Variants in PLXDC1 observed in about 807,000 individuals in gnomAD.
PLXDC1 encodes the protein plexin domain-containing protein 1.
In PLXDC1, 39 loss-of-function variants were observed where a neutral mutation model predicts 61.3. The observed-to-expected ratio is 0.64, with a 90% CI of 0.49 to 0.83. The LOEUF (loss-of-function observed/expected upper bound fraction) is 0.83, where lower values mean the gene tolerates loss of function less well. Ranked by LOEUF, PLXDC1 falls within the 40% of genes least tolerant of loss-of-function variation. The pLI is 0.00. For missense variants in PLXDC1, 596 were observed against 666.5 expected (o/e 0.89, Z 1.17); for synonymous variants, 212 against 254.5 (o/e 0.83, Z 1.59).
intron 13 of PLXDC1, among the ~76,000 whole-genome samples, chr17:39,069,499 G>T (rs1909028252): frequency 6.6e-6 from 1 of 152,122 alleles, no homozygotes; most frequent in Admixed American, 6.6e-5. Flanking sequence ...TGGCATTTGG[G>T]CATGAGAGAC....
chr17:39,103,376 C>CA (rs1271193443), intron 7 of PLXDC1, among the ~76,000 whole-genome samples: 11 of 151,020 alleles, frequency 7.3e-5, no homozygotes, highest in East Asian at 1.9e-4. Flanking sequence ...TCCATCTCTC[C>CA]AAAAAAAAAT....
At chr17:39,133,340 T>C (rs979969319) in intron 2 of PLXDC1, among the ~76,000 whole-genome samples, 1 of 152,104 alleles carries the variant, frequency 6.6e-6, no homozygotes, top group Non-Finnish European at 1.5e-5. Flanking sequence ...GCAGACACCC[T>C]GGTGTGTGTA....
At chr17:39,099,672 C>T (rs1476295746) in intron 7 of PLXDC1, among the ~76,000 whole-genome samples, 1 of 152,168 alleles carries the variant, frequency 6.6e-6, no homozygotes, top group Admixed American at 6.5e-5. Flanking sequence ...TTGAATTCTT[C>T]CTTTCATAGC....
chr17:39,118,088 T>TCCTC (rs1567766557), intron 2 of PLXDC1, among the ~76,000 whole-genome samples: 1 of 106,632 alleles, frequency 9.4e-6, no homozygotes, highest in Non-Finnish European at 1.9e-5. Context: ...CTCCCTCCCT[T>TCCTC]CCTTCCTTCC....
At chr17:39,085,322 G>T (rs902910610) in intron 8 of PLXDC1, among the ~76,000 whole-genome samples, 1 of 152,232 alleles carries the variant, frequency 6.6e-6, no homozygotes, top group African/African-American at 2.4e-5. Context: ...GATGGAAAGA[G>T]CCATGGGCAG....
At chr17:39,075,503 ACT>A (rs1443333217) in intron 11 of PLXDC1, among the ~76,000 whole-genome samples, 1 of 151,976 alleles carries the variant, frequency 6.6e-6, no homozygotes, top group Non-Finnish European at 1.5e-5. Context: ...ATGAAACCTG[ACT>A]CTATCCCTTC....
intron 9 of PLXDC1, chr17:39,080,238 C>T (rs62076616): frequency 0.034 from 5,255 of 152,544 alleles, 84 homozygotes; most frequent in Non-Finnish European, 0.04. Context: ...GATGGCACCA[C>T]TGCACTCCAG....
intron 2 of PLXDC1, among the ~76,000 whole-genome samples, chr17:39,136,168 TG>T (rs1303224647): frequency 6.6e-6 from 1 of 152,162 alleles, no homozygotes; most frequent in African/African-American, 2.4e-5. Flanking sequence ...ATGGCAGTCC[TG>T]CTCCTTGCTC....
intron 1 of PLXDC1, among the ~76,000 whole-genome samples, chr17:39,150,190 C>T (rs2045364105): frequency 6.6e-6 from 1 of 152,146 alleles, no homozygotes; most frequent in African/African-American, 2.4e-5. Context: ...AGCAGCTTCT[C>T]GGTTCGTCAG....
chr17:39,068,046 CTG>C, intron 13 of PLXDC1, 87 bp from the exon 14 acceptor site: 1 of 1,362,146 alleles, frequency 7.3e-7, no homozygotes, highest in Non-Finnish European at 1.0e-6. Flanking sequence ...CCAACCAAGA[CTG>C]TCTCTTATAA....
intron 2 of PLXDC1, among the ~76,000 whole-genome samples, chr17:39,134,738 T>C (rs1403893059): frequency 1.3e-5 from 2 of 151,948 alleles, no homozygotes; most frequent in Non-Finnish European, 2.9e-5. Flanking sequence ...CTTCTACCAT[T>C]CCTCCAGGGA....
chr17:39,143,365 C>G (rs1911995702), intron 1 of PLXDC1, among the ~76,000 whole-genome samples: 1 of 152,212 alleles, frequency 6.6e-6, no homozygotes, highest in Non-Finnish European at 1.5e-5. Flanking sequence ...CTTCCCCCAG[C>G]CCACTCCCCA....
intron 1 of PLXDC1, among the ~76,000 whole-genome samples, chr17:39,146,632 C>A (rs1314120116): frequency 1.3e-5 from 2 of 151,476 alleles, no homozygotes; most frequent in Non-Finnish European, 2.9e-5. Context: ...GGCAACATGG[C>A]AAGACCTTGT....
chr17:39,125,658 G>A (rs916039589), intron 2 of PLXDC1, among the ~76,000 whole-genome samples: 1 of 152,114 alleles, frequency 6.6e-6, no homozygotes, highest in South Asian at 2.1e-4. Context: ...TAATTTCACA[G>A]TCACAGTTCT....
chr17:39,109,018 AG>A, intron 3 of PLXDC1, 45 bp from the exon 4 acceptor site: 1 of 1,484,840 alleles, frequency 6.7e-7, no homozygotes, highest in Non-Finnish European at 9.4e-7. Flanking sequence ...GCTGCAGGCC[AG>A]GGGCCTGGGC....
intron 7 of PLXDC1, among the ~76,000 whole-genome samples, chr17:39,089,008 TAGAA>T (rs1479775735): frequency 1.6e-4 from 15 of 93,758 alleles, no homozygotes; most frequent in Non-Finnish European, 3.0e-4. Flanking sequence ...AGAAAAAGAA[TAGAA>T]AGAAAAGAAA....
At position 39,091,787 on chromosome 17, in the gene PLXDC1, G is replaced by A. The variant is rs574287616; in HGVS notation, c.812-4085C>T. 4.6e-5 allele frequency among the ~76,000 whole-genome samples: 7 copies of A among 151,938 alleles called. No individual in the cohort carries two copies. In the South Asian group the frequency reaches 6.2e-4, roughly 14 times the overall value. ...AGTCTGGCCAACATGGTGAAACCCC[G>A]TCTCTACTAAAAATTTAAAAAATTA... is the stretch of plus-strand genomic sequence containing the variant. On this transcript the variant is annotated intron_variant, in intron 7 of 13. Coordinates refer to ENST00000315392, the MANE Select transcript of PLXDC1 (RefSeq NM_020405.5).
intron 9 of PLXDC1, among the ~76,000 whole-genome samples, chr17:39,082,986 C>G (rs937840956): frequency 6.6e-6 from 1 of 152,190 alleles, no homozygotes; most frequent in African/African-American, 2.4e-5. Context: ...CCTTGCAGCC[C>G]AAGAAAGATC....
intron 2 of PLXDC1, among the ~76,000 whole-genome samples, chr17:39,116,245 C>T (rs557509556): frequency 1.3e-5 from 2 of 152,222 alleles, no homozygotes; most frequent in East Asian, 3.9e-4. Flanking sequence ...GGGAAGGTGA[C>T]TTAGGCTACC....
Sources: allele counts gnomAD v4.1 joint callset (sites outside exome capture counted in the v4.1 genomes callset), GRCh38; gene constraint gnomAD v4.1.1; transcripts MANE v1.5; gene names NCBI Gene and HGNC (gene_info 2026-07-23, HGNC 2026-07-21).